The following COQ6 variants were observed in gnomAD, a reference collection of about 807,000 sequenced individuals.
COQ6 encodes coenzyme Q6, monooxygenase, also known as ubiquinone biosynthesis monooxygenase COQ6, mitochondrial.
A neutral mutation model predicts 55.5 loss-of-function variants in COQ6; 45 were observed. That is an observed-to-expected ratio of 0.81 (90% CI 0.64 to 1.04). The LOEUF (loss-of-function observed/expected upper bound fraction) is 1.04, where lower values mean the gene tolerates loss of function less well. Ranked by LOEUF, COQ6 falls within the 50% of genes least tolerant of loss-of-function variation. The probability of loss-of-function intolerance (pLI) is 0.00; values close to 1 mark genes in which losing one functional copy is unlikely to be tolerated. For synonymous variants in COQ6, 206 were observed against 230.5 expected (o/e 0.89, Z 0.96); for missense variants, 550 against 601.3 (o/e 0.91, Z 0.89).
At chr14:73,957,337 G>A (rs558154379) in intron 4 of COQ6, among the ~76,000 whole-genome samples, 1 of 152,072 alleles carries the variant, frequency 6.6e-6, no homozygotes, top group Non-Finnish European at 1.5e-5. Context: ...CACCCACCTC[G>A]GCCTCCCAAA....
intron 4 of COQ6, among the ~76,000 whole-genome samples, chr14:73,957,418 C>T (rs1262176708): frequency 6.6e-6 from 1 of 152,138 alleles, no homozygotes; most frequent in Non-Finnish European, 1.5e-5. Flanking sequence ...GACAGTATGA[C>T]TGACTGACAT....
chr14:73,959,581 G>GTT (rs759810630), intron 8 of COQ6, 59 bp downstream of exon 8: 612 of 1,391,272 alleles, frequency 4.4e-4, no homozygotes, highest in Admixed American at 5.5e-4. Context: ...GAAAGGTGTT[G>GTT]TTTTTTTTTT....
rs887569140 is a variant in COQ6 at position 73,955,157 on chromosome 14, G to C, written c.299-294G>C. Among the ~76,000 whole-genome samples the C allele has an allele frequency of 3.3e-5, 5 of 151,770 alleles. No individual in the cohort carries two copies. The East Asian group carries it at 7.8e-4, about 24-fold the overall frequency. ...TTTAGTGAAGATGAGGTTTCACGGT[G>C]TTAGCCAGGATGGTCTCTATCTCCT... On this transcript the variant is annotated intron_variant, in intron 2 of 11. Coordinates refer to ENST00000334571, the MANE Select transcript of COQ6 (RefSeq NM_182476.3).
chr14:73,962,892 A>G, intron 11 of COQ6, 78 bp from the exon 12 acceptor site: 1 of 1,197,590 alleles, frequency 8.4e-7, no homozygotes, highest in South Asian at 1.2e-5. Context: ...AAGAATACCT[A>G]CGTGATTATT....
upstream of COQ6, chr14:73,950,084 G>A (rs377510502): frequency 3.7e-6 from 6 of 1,606,124 alleles, no homozygotes; most frequent in African/African-American, 5.3e-5. Flanking sequence ...AGCGGTGGCA[G>A]CGAGAGCTAT....
intron 2 of COQ6, among the ~76,000 whole-genome samples, chr14:73,954,151 G>C (rs1000121827): frequency 9.2e-5 from 14 of 152,136 alleles, no homozygotes; most frequent in African/African-American, 3.4e-4. Context: ...TTATGTGTTT[G>C]TTTTTTATTG....
At chr14:73,959,616 G>A (rs1432807293) in intron 8 of COQ6, 94 bp downstream of exon 8, 12 of 1,592,816 alleles carry the variant, frequency 7.5e-6, no homozygotes, top group African/African-American at 1.3e-5. Flanking sequence ...TTGCCAGGCT[G>A]GAGCGCAGTG....
At chr14:73,958,763 C>G in intron 5 of COQ6, 1 of 1,471,026 alleles carries the variant, frequency 6.8e-7, no homozygotes, top group Non-Finnish European at 9.0e-7. Context: ...GGCACCTGTT[C>G]AGTCATGTCC....
intron 1 of COQ6, 85 bp downstream of exon 1, chr14:73,950,580 C>A (rs906638811): frequency 4.0e-6 from 6 of 1,501,082 alleles, no homozygotes; most frequent in Non-Finnish European, 5.4e-6. Flanking sequence ...CACGACTTGC[C>A]CAAAGACAAT....
chr14:73,959,559 G>C (rs2056608922), intron 8 of COQ6, 37 bp downstream of exon 8: 1 of 1,614,080 alleles, frequency 6.2e-7, no homozygotes, highest in African/African-American at 1.3e-5. Context: ...ATGTGCTGCA[G>C]GGGGAGATAC....
At chr14:73,957,430 C>G (rs1275784743) in intron 4 of COQ6, among the ~76,000 whole-genome samples, 1 of 152,166 alleles carries the variant, frequency 6.6e-6, no homozygotes, top group Non-Finnish European at 1.5e-5. Flanking sequence ...GACTGACATA[C>G]AAAAAGCTGT....
At position 73,955,374 on chromosome 14, in the gene COQ6, C is replaced by T. The variant is rs138441022; in HGVS notation, c.299-77C>T. ...GAAGAACACTGAAAACAACCTCTTA[C>T]GTAACAGGATGGAGGGACAAGGGGG... On this transcript the variant is annotated intron_variant, in intron 2 of 11. Transcript: ENST00000334571. The T allele has an allele frequency of 1.8e-4, 193 of 1,062,918 alleles. No homozygotes were observed. The East Asian group carries it at 4.1e-3, about 22-fold the overall frequency. 65.8% of individuals were successfully genotyped at this position (1,062,918 alleles called of 1,614,324 possible).
intron 8 of COQ6, chr14:73,960,676 T>A: frequency 2.5e-6 from 2 of 805,658 alleles, no homozygotes; most frequent in Non-Finnish European, 3.1e-6. Context: ...CATAGTCAAG[T>A]AAGGAAGACC....
At chr14:73,962,358 T>TA (rs1272424609) in intron 11 of COQ6, among the ~76,000 whole-genome samples, 3 of 152,140 alleles carry the variant, frequency 2.0e-5, no homozygotes, top group Admixed American at 6.6e-5. Context: ...TTTTAGGTGT[T>TA]ACGGCCCACA....
In COQ6 at chr14:73,963,376, G is replaced by GT. The variant is rs1400214858; in HGVS notation, c.*378dup. 7 of 350,060 alleles carry GT rather than the reference G, an allele frequency of 2.0e-5. No individual in the cohort carries two copies. Among genetic ancestry groups the GT allele is most frequent in the Non-Finnish European group, 3.1e-5 (6 of 194,506 alleles). 21.7% of individuals were successfully genotyped at this position (350,060 alleles called of 1,614,324 possible). A position where few individuals can be genotyped will look rare whatever the true frequency, so the allele number is the denominator to read the frequency against. ...TTTATACAGTTGTTTTTTGATAGAG[G>GT]TAAGAATTAGACTCGATGCATTTTT... On this transcript the variant is annotated 3_prime_UTR_variant, in exon 12 of 12. Transcript: ENST00000334571.
upstream of COQ6, chr14:73,950,158 T>A (rs1594782006): frequency 6.3e-7 from 1 of 1,588,668 alleles, no homozygotes; most frequent in Non-Finnish European, 8.5e-7. Context: ...CAGCCTCCGA[T>A]CCATCCCGCC....
chr14:73,963,095 A>G lies in COQ6; in HGVS notation c.*96A>G. 1 of 1,027,520 alleles carries G rather than the reference A, an allele frequency of 9.7e-7. No homozygotes were observed. The highest frequency in any genetic ancestry group is 1.5e-6 in the Non-Finnish European group (1 of 653,862). 63.7% of individuals were successfully genotyped at this position (1,027,520 alleles called of 1,614,324 possible). On this transcript the variant is annotated 3_prime_UTR_variant, in exon 12 of 12. Transcript: ENST00000334571. ...TTCAAGATCTTATTTAATTTAATAA[A>G]CTTACTTTACATTAAAATTCTCTTT...
chr14:73,950,630 G>A (rs2056152329), intron 1 of COQ6, 135 bp downstream of exon 1: 1 of 1,327,032 alleles, frequency 7.5e-7, no homozygotes, highest in South Asian at 1.5e-5. Context: ...CCCTCCTAGA[G>A]GAACCCCAGG....
At position 73,950,373 on chromosome 14, in the gene COQ6, C is replaced by G. The variant is rs554880017; in HGVS notation, c.41C>G (p.Ala14Gly). ...GTCAGCCGATGCGGGGCTGTGCGTG[C>G]AGCTCCCCACAGCGGCCCGCTGGTG... ...RLVSRCGAVR[A>G]APHSGPLVSW... is the part of the protein sequence containing the mutation. Residue 14 changes from alanine (A) to glycine (G), a missense_variant, in exon 1 of 12, where the codon GCA becomes GGA. Physicochemically the swap from Ala to Gly is moderately conservative, Grantham distance 60. Coordinates refer to ENST00000334571, the MANE Select transcript of COQ6 (RefSeq NM_182476.3). 1.2e-4 allele frequency: 181 copies of G among 1,563,962 alleles called. 2 individuals carry two copies. The South Asian group carries it at 2.0e-3, about 18-fold the overall frequency.
Sources: allele counts gnomAD v4.1 joint callset (sites outside exome capture counted in the v4.1 genomes callset), GRCh38; gene constraint gnomAD v4.1.1; transcripts MANE v1.5; gene names NCBI Gene and HGNC (gene_info 2026-07-23, HGNC 2026-07-21).